Variants in ITGA2 observed in about 807,000 individuals in gnomAD.
ITGA2 encodes the protein integrin subunit alpha 2, also known as integrin alpha-2.
ITGA2 carries 101 observed loss-of-function variants against 146.3 expected under a neutral mutation model. The ratio of observed to expected loss-of-function variants is 0.69; its 90% CI spans 0.59 to 0.81. The LOEUF is 0.81. Ranked by LOEUF, ITGA2 falls within the 40% of genes least tolerant of loss-of-function variation. ITGA2 has a pLI of 0.00. For synonymous variants in ITGA2, 477 were observed against 487.1 expected, an observed-to-expected ratio of 0.98 and a Z score of 0.27; for missense variants, 1,281 against 1,402.7, an observed-to-expected ratio of 0.91 and a Z score of 1.39.
At chr5:53,083,000 TG>T (rs1004998792) in intron 26 of ITGA2, among the ~76,000 whole-genome samples, 26 of 137,802 alleles carry the variant, frequency 1.9e-4, no homozygotes, top group South Asian at 9.4e-4. Flanking sequence ...GTTACAGTTT[TG>T]GGGGGGGTTG....
chr5:53,071,925 T>A lies in ITGA2; in HGVS notation c.2236-13T>A. On this transcript the variant is annotated splice_polypyrimidine_tract_variant and intron_variant, in intron 17 of 29. Coordinates refer to ENST00000296585, the MANE Select transcript of ITGA2 (RefSeq NM_002203.4). ...CTGTCTCCCCCTGTATGTTTGTGTG[T>A]GTGTATGTTTAGGAGCCCTCTGATG... The A allele has an allele frequency of 1.9e-6, 3 of 1,588,440 alleles. No individual in the cohort carries two copies. Among genetic ancestry groups the A allele is most frequent in the Non-Finnish European group, 2.6e-6 (3 of 1,157,360 alleles).
rs3212479 is a variant in ITGA2, at chr5:53,047,798, A to G, written c.388-565A>G. Among the ~76,000 whole-genome samples, 720 of 152,316 alleles carry G rather than the reference A, an allele frequency of 4.7e-3. 6 individuals carry two copies. Among genetic ancestry groups the G allele is most frequent in the African/African-American group, 0.017 (696 of 41,572 alleles). On this transcript the variant is annotated intron_variant, in intron 4 of 29. Transcript: ENST00000296585. Reference sequence around the variant, plus strand: ...ATTAGGTTTATGGTTTCTGCTGAGCAGTATGAATGGAAGGAACTGCAGAAA... The same window carrying G: ...ATTAGGTTTATGGTTTCTGCTGAGCGGTATGAATGGAAGGAACTGCAGAAA...
intron 12 of ITGA2, 56 bp downstream of exon 12, chr5:53,061,102 G>C (rs1561133562): frequency 1.3e-6 from 2 of 1,563,866 alleles, no homozygotes; most frequent in South Asian, 1.1e-5. Context: ...GGGCAGGTGG[G>C]GAGTCAGGTG....
intron 16 of ITGA2, among the ~76,000 whole-genome samples, chr5:53,067,480 A>G (rs184290406): frequency 2.0e-5 from 3 of 151,920 alleles, no homozygotes; most frequent in Non-Finnish European, 2.9e-5. Flanking sequence ...AGAAAGTTGT[A>G]ATCTCTATGA....
intron 4 of ITGA2, 57 bp from the exon 5 acceptor site, chr5:53,048,306 G>A (rs1744188927): frequency 3.2e-6 from 4 of 1,250,514 alleles, no homozygotes; most frequent in African/African-American, 1.5e-5. Context: ...TAATGGAGAG[G>A]TAGAAGGTTT....
Position 53,062,882 on chromosome 5 carries a change from G to A in ITGA2, c.1555G>A (p.Asp519Asn). 1 of 1,610,518 alleles carries A rather than the reference G, an allele frequency of 6.2e-7. No homozygotes were observed. The highest frequency in any genetic ancestry group is 1.1e-5 in the South Asian group (1 of 90,968). ...LLVGAPMYMS[D>N]LKKEEGRVYL... Reference sequence around the variant, plus strand: ...GGTAGGTGCACCAATGTACATGAGTGACCTAAAGAAAGAGGAAGGAAGAGT... The same window carrying A: ...GGTAGGTGCACCAATGTACATGAGTAACCTAAAGAAAGAGGAAGGAAGAGT... Residue 519 changes from aspartate (D) to asparagine (N), a missense_variant, in exon 13 of 30, where the codon GAC (aspartate) becomes AAC (asparagine). Physicochemically the swap from Asp to Asn is conservative, Grantham distance 23 (BLOSUM62 1). Coordinates refer to ENST00000296585, the MANE Select transcript of ITGA2 (RefSeq NM_002203.4).
chr5:53,087,552 A>G (rs1041611133), intron 28 of ITGA2, among the ~76,000 whole-genome samples: 26 of 152,170 alleles, frequency 1.7e-4, no homozygotes, highest in African/African-American at 6.3e-4. Context: ...CCTTACAACT[A>G]GACACTGACA....
intron 17 of ITGA2, among the ~76,000 whole-genome samples, chr5:53,071,324 C>T (rs1487108834): frequency 6.6e-6 from 1 of 151,872 alleles, no homozygotes; most frequent in Non-Finnish European, 1.5e-5. Context: ...TACATGCAAT[C>T]CCTAGTGAGG....
chr5:53,033,727 AG>A (rs1168264554), intron 2 of ITGA2, among the ~76,000 whole-genome samples: 1 of 151,538 alleles, frequency 6.6e-6, no homozygotes, highest in Non-Finnish European at 1.5e-5. Context: ...CCTCCTGAAT[AG>A]CTGGAATTAT....
intron 20 of ITGA2, 66 bp from the exon 21 acceptor site, chr5:53,074,319 G>C (rs150573287): frequency 3.3e-6 from 4 of 1,218,926 alleles, no homozygotes; most frequent in African/African-American, 1.5e-5. Context: ...CTTTTACCAG[G>C]TGCGTGCATA....
At position 53,059,985 on chromosome 5, in the gene ITGA2, C is replaced by T; in HGVS notation, c.1285C>T (p.Gln429Ter). 5 of 1,612,222 alleles carry T rather than the reference C, an allele frequency of 3.1e-6. No individual in the cohort carries two copies. The highest frequency in any genetic ancestry group is 4.2e-6 in the Non-Finnish European group (5 of 1,178,842). The change falls in exon 11 of 30, where the codon CAG becomes TAG. Residue 429 changes from glutamine to a stop codon, truncating the protein, a stop_gained. Transcript: ENST00000296585. LOFTEE classifies it high-confidence loss of function. ...TAAACAAGCCTTTGACCAAATTCTG[C>T]AGGACAGAAATCACAGTTCATATTT... Reference protein sequence around the residue: ...FPKQAFDQILQDRNHSSYLGY... With the variant: ...FPKQAFDQIL
chr5:53,031,625 T>C (rs929146562), intron 2 of ITGA2, among the ~76,000 whole-genome samples: 1 of 152,362 alleles, frequency 6.6e-6, no homozygotes, highest in Admixed American at 6.5e-5. Context: ...TATGAGACTT[T>C]CATTGCACTA....
At chr5:53,072,847 C>T (rs1745465312) in intron 19 of ITGA2, 152 bp downstream of exon 19, 3 of 734,394 alleles carry the variant, frequency 4.1e-6, no homozygotes, top group South Asian at 3.5e-5. Context: ...GTCTACCATC[C>T]ACATAGGAGT....
At chr5:53,008,286 A>G (rs946753567) in intron 1 of ITGA2, among the ~76,000 whole-genome samples, 2 of 149,812 alleles carry the variant, frequency 1.3e-5, no homozygotes, top group Non-Finnish European at 3.0e-5. Context: ...GGGTACTGAG[A>G]GAGAAAGATC....
intron 2 of ITGA2, among the ~76,000 whole-genome samples, chr5:53,037,816 G>A (rs1376146953): frequency 6.6e-6 from 1 of 152,194 alleles, no homozygotes; most frequent in African/African-American, 2.4e-5. Flanking sequence ...TTCTTCAAGA[G>A]TTACCAAAGT....
At chr5:52,999,961 T>C (rs1466899301) in intron 1 of ITGA2, among the ~76,000 whole-genome samples, 1 of 152,176 alleles carries the variant, frequency 6.6e-6, no homozygotes, top group African/African-American at 2.4e-5. Context: ...CAATCACAAA[T>C]CCATTTCTCT....
At chr5:53,033,574 T>G (rs1206238310) in intron 2 of ITGA2, among the ~76,000 whole-genome samples, 1 of 152,026 alleles carries the variant, frequency 6.6e-6, no homozygotes, top group Non-Finnish European at 1.5e-5. Context: ...AGAGTTTGCT[T>G]ATATCTTATT....
At chr5:53,082,585 AC>A (rs1745971031) in intron 26 of ITGA2, among the ~76,000 whole-genome samples, 1 of 151,818 alleles carries the variant, frequency 6.6e-6, no homozygotes, top group Non-Finnish European at 1.5e-5. Context: ...GTTCCCATAT[AC>A]CCCCTGTCCC....
intron 1 of ITGA2, among the ~76,000 whole-genome samples, chr5:52,999,912 G>T (rs544262544): frequency 7.2e-5 from 11 of 152,164 alleles, no homozygotes; most frequent in African/African-American, 2.6e-4. Flanking sequence ...AAAAATAAAA[G>T]ATTTCCAGGA....
Sources: gnomAD v4.1 joint callset for allele counts (sites outside exome capture counted in the v4.1 genomes callset) on GRCh38, gnomAD v4.1.1 for gene constraint, MANE v1.5 for transcripts, NCBI Gene and HGNC (gene_info 2026-07-23, HGNC 2026-07-21) for gene names.